Variants in SLC27A6 observed in about 807,000 individuals in gnomAD.
The protein encoded by SLC27A6 is long-chain fatty acid transport protein 6.
In SLC27A6, 74 loss-of-function variants were observed where a neutral mutation model predicts 63.9. The observed-to-expected ratio is 1.16, with a 90% CI of 0.96 to 1.40. SLC27A6 has a LOEUF of 1.40. SLC27A6 is among the 40% of genes most tolerant of loss of function. The pLI is 0.00. For synonymous variants in SLC27A6, 287 were observed against 260.8 expected (o/e 1.10, Z -0.97); for missense variants, 794 against 732.9 (o/e 1.08, Z -0.96).
chr5:128,985,802 G>A (rs1412063748), intron 2 of SLC27A6, among the ~76,000 whole-genome samples: 1 of 152,118 alleles, frequency 6.6e-6, no homozygotes, highest in Non-Finnish European at 1.5e-5. Context: ...CTATATTCCT[G>A]TGTAAATTAT....
At chr5:129,005,032 C>T (rs1751474203) in intron 4 of SLC27A6, among the ~76,000 whole-genome samples, 1 of 152,214 alleles carries the variant, frequency 6.6e-6, no homozygotes, top group South Asian at 2.1e-4. Flanking sequence ...TTCCATCCAT[C>T]ATGCCAGGTG....
At chr5:129,013,278 C>T (rs1316794175) in intron 4 of SLC27A6, among the ~76,000 whole-genome samples, 1 of 151,880 alleles carries the variant, frequency 6.6e-6, no homozygotes, top group Non-Finnish European at 1.5e-5. Context: ...TTCTTTGCTC[C>T]TGTATAATAT....
chr5:128,995,246 C>T (rs1338571052), intron 4 of SLC27A6, among the ~76,000 whole-genome samples: 2 of 152,146 alleles, frequency 1.3e-5, no homozygotes, highest in East Asian at 1.9e-4. Flanking sequence ...ATAAGCAATT[C>T]CACCTAACAC....
chr5:128,996,010 T>C (rs891880862), intron 4 of SLC27A6, among the ~76,000 whole-genome samples: 18 of 146,214 alleles, frequency 1.2e-4, no homozygotes, highest in African/African-American at 4.0e-4. Flanking sequence ...AAAACTGAGA[T>C]TCGAGGAATT....
chr5:129,005,905 G>A (rs577905127), intron 4 of SLC27A6, among the ~76,000 whole-genome samples: 1 of 150,634 alleles, frequency 6.6e-6, no homozygotes, highest in Admixed American at 6.6e-5. Flanking sequence ...AGCCACCGTG[G>A]CCGGCCTAGG....
chr5:129,028,473 T>A (rs781399925), intron 8 of SLC27A6, 31 bp downstream of exon 8: 1 of 1,334,906 alleles, frequency 7.5e-7, no homozygotes, highest in Non-Finnish European at 1.1e-6. Context: ...TTGGAAAGAT[T>A]CTTAGAATAG....
At chr5:128,970,294 C>A (rs1368903415) in intron 1 of SLC27A6, among the ~76,000 whole-genome samples, 1 of 152,096 alleles carries the variant, frequency 6.6e-6, no homozygotes, top group African/African-American at 2.4e-5. Context: ...AGGGAGGATT[C>A]CCTCTTTTTC....
intron 4 of SLC27A6, among the ~76,000 whole-genome samples, chr5:129,007,681 T>A (rs373404068): frequency 1.6e-4 from 24 of 152,084 alleles, no homozygotes; most frequent in African/African-American, 5.8e-4. Flanking sequence ...GGTATCCATC[T>A]CCCTCTCCTC....
intron 1 of SLC27A6, among the ~76,000 whole-genome samples, chr5:128,968,435 C>A (rs929673968): frequency 6.6e-6 from 1 of 152,066 alleles, no homozygotes; most frequent in Non-Finnish European, 1.5e-5. Context: ...TGTTTCCTGA[C>A]TTTTTAATGA....
rs1749888344 is a variant in SLC27A6, at chr5:128,966,280, A to G, written c.143A>G (p.Glu48Gly). The G allele has an allele frequency of 6.2e-7, 1 of 1,613,948 alleles. No homozygotes were observed. The highest frequency in any genetic ancestry group is 2.2e-5 in the East Asian group (1 of 44,874). The part of the protein sequence containing the change: ...VLIIIRLKKY[E>G]KRGELVTVLD... ...ATTATAATTCGGCTGAAGAAGTATG[A>G]AAAGAGAGGGGAGCTGGTGACTGTG... Residue 48 changes from glutamate to glycine, a missense_variant, in exon 1 of 10, where the codon GAA becomes GGA. Physicochemically the swap from Glu to Gly is moderately conservative, Grantham distance 98. Transcript: ENST00000262462.
intron 4 of SLC27A6, among the ~76,000 whole-genome samples, chr5:129,005,558 C>T (rs1384473932): frequency 6.6e-6 from 1 of 151,742 alleles, no homozygotes; most frequent in Non-Finnish European, 1.5e-5. Context: ...TTAATTCCAC[C>T]CATGTTTCTC....
At position 129,033,456 on chromosome 5, in the gene SLC27A6, T is replaced by A; in HGVS notation, c.*174T>A. 1 of 397,826 alleles carries A rather than the reference T, an allele frequency of 2.5e-6. No homozygotes were observed. The highest frequency in any genetic ancestry group is 4.5e-5 in the Admixed American group (1 of 22,358). The allele number at this position is 397,826 out of a possible 1,614,324, so 24.6% of individuals were successfully genotyped here. Reference sequence around the variant, plus strand: ...GAATTTTAATTTCTTTTAATTGATATAAACAGTAGTTGATTATTCTTTTTA... The same window carrying A: ...GAATTTTAATTTCTTTTAATTGATAAAAACAGTAGTTGATTATTCTTTTTA... On this transcript the variant is annotated 3_prime_UTR_variant, in exon 10 of 10. Coordinates refer to ENST00000262462, the MANE Select transcript of SLC27A6 (RefSeq NM_001017372.3).
At chr5:129,018,795 T>C (rs977322447) in intron 5 of SLC27A6, among the ~76,000 whole-genome samples, 6 of 152,176 alleles carry the variant, frequency 3.9e-5, no homozygotes, top group Non-Finnish European at 7.4e-5. Context: ...AAAGTCATGA[T>C]TGTCTTCAAT....
chr5:128,995,186 C>G (rs1023452966), intron 4 of SLC27A6, among the ~76,000 whole-genome samples: 1 of 152,166 alleles, frequency 6.6e-6, no homozygotes, highest in Non-Finnish European at 1.5e-5. Flanking sequence ...TGTTGGAACT[C>G]TAGACATCAG....
intron 4 of SLC27A6, among the ~76,000 whole-genome samples, chr5:129,011,808 A>T (rs1323896128): frequency 6.6e-6 from 1 of 152,140 alleles, no homozygotes; most frequent in African/African-American, 2.4e-5. Flanking sequence ...GTTAATAAAG[A>T]TATGCAAGTA....
chr5:128,996,543 G>C (rs912484988), intron 4 of SLC27A6, among the ~76,000 whole-genome samples: 1 of 152,040 alleles, frequency 6.6e-6, no homozygotes, highest in Non-Finnish European at 1.5e-5. Flanking sequence ...CATTAGTAAT[G>C]CTTAGACAAT....
At chr5:128,996,028 A>AC (rs1751148300) in intron 4 of SLC27A6, among the ~76,000 whole-genome samples, 1 of 139,106 alleles carries the variant, frequency 7.2e-6, no homozygotes, top group African/African-American at 2.7e-5. Flanking sequence ...ATTAAAATTA[A>AC]TTTTTTTGAT....
At chr5:129,030,797 T>C (rs1373821661) in intron 9 of SLC27A6, among the ~76,000 whole-genome samples, 1 of 152,052 alleles carries the variant, frequency 6.6e-6, no homozygotes, top group East Asian at 1.9e-4. Context: ...AATCTACCCA[T>C]CTTATTAAAA....
intron 1 of SLC27A6, among the ~76,000 whole-genome samples, chr5:128,976,234 C>T (rs1318315167): frequency 3.9e-5 from 6 of 152,138 alleles, no homozygotes; most frequent in Non-Finnish European, 7.3e-5. Context: ...AGGGGGCCAG[C>T]GCGGTGGCTC....
Sources: gnomAD v4.1 joint callset for allele counts (sites outside exome capture counted in the v4.1 genomes callset) on GRCh38, gnomAD v4.1.1 for gene constraint, MANE v1.5 for transcripts, NCBI Gene and HGNC (gene_info 2026-07-23, HGNC 2026-07-21) for gene names.